DGCR2: variants seen among roughly 807,000 people sequenced by gnomAD.
DGCR2 encodes the protein DiGeorge syndrome critical region gene 2, also known as integral membrane protein DGCR2/IDD.
A neutral mutation model predicts 51.6 loss-of-function variants in DGCR2; 24 were observed. The observed-to-expected ratio is 0.47, with a 90% CI of 0.34 to 0.65. The LOEUF is 0.65. Among genes scored for constraint, DGCR2 ranks in the 30% least tolerant of loss-of-function variants. The probability of loss-of-function intolerance (pLI) is 0.01; values close to 1 mark genes in which losing one functional copy is unlikely to be tolerated. For missense variants in DGCR2, 765 were observed against 772.1 expected (o/e 0.99, Z 0.11); for synonymous variants, 340 against 315.4 (o/e 1.08, Z -0.82).
intron 1 of DGCR2, among the ~76,000 whole-genome samples, chr22:19,115,584 T>C (rs1446229858): frequency 4.6e-5 from 7 of 152,252 alleles, no homozygotes; most frequent in Non-Finnish European, 5.9e-5. Context: ...TTGCTCTTTA[T>C]GTCAAAATAT....
chr22:19,111,777 C>A (rs1478992789), intron 1 of DGCR2, among the ~76,000 whole-genome samples: 1 of 152,070 alleles, frequency 6.6e-6, no homozygotes, highest in African/African-American at 2.4e-5. Flanking sequence ...CCTGTTAAAC[C>A]AACAAGCTCA....
At chr22:19,060,010 G>A (rs1233065856) in intron 5 of DGCR2, among the ~76,000 whole-genome samples, 2 of 152,120 alleles carry the variant, frequency 1.3e-5, no homozygotes, top group African/African-American at 4.8e-5. Context: ...CCTCCACTCG[G>A]GCCCACCAGG....
At chr22:19,080,677 A>C (rs1049202905) in intron 2 of DGCR2, among the ~76,000 whole-genome samples, 4 of 152,160 alleles carry the variant, frequency 2.6e-5, no homozygotes, top group African/African-American at 4.8e-5. Flanking sequence ...CTCTACAAAA[A>C]ATTTAAAAAT....
intron 1 of DGCR2, among the ~76,000 whole-genome samples, chr22:19,094,338 T>C (rs572192876): frequency 2.6e-5 from 4 of 152,294 alleles, no homozygotes; most frequent in East Asian, 1.9e-4. Flanking sequence ...TGAGGCAGAA[T>C]TGCTTGAACC....
intron 2 of DGCR2, among the ~76,000 whole-genome samples, chr22:19,087,733 A>G (rs1309874949): frequency 6.7e-6 from 1 of 148,956 alleles, no homozygotes; most frequent in Non-Finnish European, 1.5e-5. Flanking sequence ...AGCCCAGGAT[A>G]AAGTGCAGTG....
chr22:19,081,999 A>G (rs1216537744), intron 2 of DGCR2, among the ~76,000 whole-genome samples: 1 of 151,264 alleles, frequency 6.6e-6, no homozygotes, highest in Non-Finnish European at 1.5e-5. Flanking sequence ...AGTGTTGCAA[A>G]TATCTTCTCT....
chr22:19,077,075 C>A (rs938387011), intron 2 of DGCR2, among the ~76,000 whole-genome samples: 20 of 152,112 alleles, frequency 1.3e-4, no homozygotes, highest in African/African-American at 4.8e-4. Context: ...TGTGGGAATT[C>A]TTTTTATATT....
At chr22:19,068,253 G>C in intron 2 of DGCR2, 28 bp from the exon 3 acceptor site, 1 of 1,562,624 alleles carries the variant, frequency 6.4e-7, no homozygotes, top group Non-Finnish European at 8.7e-7. Flanking sequence ...TGTGTGCTGT[G>C]AGTCCTGCCT....
chr22:19,059,282 A>C (rs1207122934), intron 5 of DGCR2, among the ~76,000 whole-genome samples: 1 of 152,110 alleles, frequency 6.6e-6, no homozygotes, highest in African/African-American at 2.4e-5. Flanking sequence ...CCACGAGCAC[A>C]ATCGGGTGAC....
intron 9 of DGCR2, among the ~76,000 whole-genome samples, chr22:19,040,013 G>C (rs1358944878): frequency 6.6e-6 from 1 of 152,132 alleles, no homozygotes; most frequent in Non-Finnish European, 1.5e-5. Context: ...CGCCTGGGCT[G>C]CCTGCTTGTC....
chr22:19,074,318 C>G (rs1310316258), intron 2 of DGCR2, among the ~76,000 whole-genome samples: 28 of 151,062 alleles, frequency 1.9e-4, no homozygotes, highest in Admixed American at 1.9e-3. Context: ...CCCGGCTACT[C>G]AGGAGGCTGA....
intron 1 of DGCR2, among the ~76,000 whole-genome samples, chr22:19,094,067 T>C (rs1601278152): frequency 1.3e-5 from 2 of 152,130 alleles, no homozygotes; most frequent in South Asian, 2.1e-4. Flanking sequence ...CCAAGGAAGA[T>C]ATATACAGAT....
At chr22:19,053,437 C>A (rs2082569703) in intron 6 of DGCR2, among the ~76,000 whole-genome samples, 1 of 152,284 alleles carries the variant, frequency 6.6e-6, no homozygotes, top group South Asian at 2.1e-4. Flanking sequence ...CCAGCCTCCA[C>A]CCAGAACAAC....
At chr22:19,043,541 C>T (rs776452685) in intron 7 of DGCR2, among the ~76,000 whole-genome samples, 11 of 152,110 alleles carry the variant, frequency 7.2e-5, no homozygotes, top group Non-Finnish European at 1.5e-4. Context: ...GGAAGTGGTC[C>T]CAGAAGTAGC....
chr22:19,076,577 C>T (rs1039959895), intron 2 of DGCR2, among the ~76,000 whole-genome samples: 1 of 152,174 alleles, frequency 6.6e-6, no homozygotes, highest in Non-Finnish European at 1.5e-5. Flanking sequence ...TCCTCGTCAA[C>T]ACTTGTCATT....
chr22:19,076,934 G>T (rs1391001608), intron 2 of DGCR2, among the ~76,000 whole-genome samples: 1 of 151,696 alleles, frequency 6.6e-6, no homozygotes, highest in Admixed American at 6.6e-5. Context: ...GTTTCACCGT[G>T]TTAGCCAGGA....
rs114872214 is a variant in DGCR2 at position 19,064,295 on chromosome 22, G to A, written c.548+553C>T. On this transcript the variant is annotated intron_variant, in intron 4 of 9. Transcript: ENST00000263196. ...TGGACTCACAGGCCTGTCCTCATGG[G>A]GTTAGTACAACAACCTGTGAGCTAA... 7.7e-3 allele frequency among the ~76,000 whole-genome samples: 1,176 copies of A among 152,328 alleles called. 19 individuals are homozygous for A. Among genetic ancestry groups the A allele is most frequent in the African/African-American group, 0.026 (1,095 of 41,578 alleles).
intron 1 of DGCR2, among the ~76,000 whole-genome samples, chr22:19,094,164 A>G (rs981708042): frequency 6.6e-6 from 1 of 152,282 alleles, no homozygotes; most frequent in African/African-American, 2.4e-5. Flanking sequence ...ACGGCGGCCC[A>G]TGCCTGTGAT....
At chr22:19,086,420 A>G (rs1168111920) in intron 2 of DGCR2, among the ~76,000 whole-genome samples, 3 of 152,170 alleles carry the variant, frequency 2.0e-5, no homozygotes, top group African/African-American at 7.2e-5. Context: ...CAGAGCTTGC[A>G]GTGAGCCCAG....
Sources: allele counts gnomAD v4.1 joint callset (sites outside exome capture counted in the v4.1 genomes callset), GRCh38; gene constraint gnomAD v4.1.1; transcripts MANE v1.5; gene names NCBI Gene and HGNC (gene_info 2026-07-23, HGNC 2026-07-21).